Variants in TFEC observed in about 807,000 individuals in gnomAD.
TFEC encodes transcription factor EC, also known as class E basic helix-loop-helix protein 34.
A neutral mutation model predicts 41.6 loss-of-function variants in TFEC; 31 were observed. The ratio of observed to expected loss-of-function variants is 0.74; its 90% CI spans 0.56 to 1.01. TFEC has a LOEUF of 1.01. Ranked by LOEUF, TFEC falls within the 50% of genes least tolerant of loss-of-function variation. TFEC has a pLI of 0.00. For synonymous variants in TFEC, 143 were observed against 140.6 expected (o/e 1.02, Z -0.12); for missense variants, 402 against 404.1 (o/e 0.99, Z 0.04).
At chr7:116,043,694 CAT>C (rs1488041416) in intron 3 of TFEC, among the ~76,000 whole-genome samples, 1 of 152,108 alleles carries the variant, frequency 6.6e-6, no homozygotes. Flanking sequence ...GGAAAAGAAA[CAT>C]ATGAAAATAC....
At chr7:116,159,153 T>C (rs73220468) in intron 1 of TFEC, among the ~76,000 whole-genome samples, 476 of 152,028 alleles carry the variant, frequency 3.1e-3, no homozygotes, top group Non-Finnish European at 4.8e-3. Context: ...CAAGAAATAA[T>C]AAGTCACAAG....
intron 3 of TFEC, among the ~76,000 whole-genome samples, chr7:116,069,808 T>C (rs1562958576): frequency 6.6e-6 from 1 of 151,608 alleles, no homozygotes; most frequent in South Asian, 2.1e-4. Context: ...AATTCATCTT[T>C]CTACTGATTA....
At chr7:116,049,012 A>G (rs751472082) in intron 3 of TFEC, among the ~76,000 whole-genome samples, 1 of 152,252 alleles carries the variant, frequency 6.6e-6, no homozygotes, top group African/African-American at 2.4e-5. Flanking sequence ...AGCCAGTACC[A>G]GCCACTGCAA....
chr7:116,021,724 T>C (rs1428496354), intron 1 of TFEC, among the ~76,000 whole-genome samples: 1 of 152,188 alleles, frequency 6.6e-6, no homozygotes, highest in Non-Finnish European at 1.5e-5. Context: ...AAGCAGTCAG[T>C]GGGCCAAAAT....
intron 3 of TFEC, among the ~76,000 whole-genome samples, chr7:116,048,847 A>C (rs868532042): frequency 9.2e-5 from 14 of 152,354 alleles, no homozygotes; most frequent in Middle Eastern, 3.4e-3. Flanking sequence ...AAAGAAAAGA[A>C]TTTTCAACCA....
chr7:116,159,688 T>C (rs1162743359), intron 1 of TFEC: 2 of 152,300 alleles, frequency 1.3e-5, no homozygotes, highest in South Asian at 4.1e-4. Flanking sequence ...ATCTTAAACA[T>C]TTAAACTAAG....
intron 1 of TFEC, among the ~76,000 whole-genome samples, chr7:116,016,261 T>C (rs2130834836): frequency 6.6e-6 from 1 of 152,252 alleles, no homozygotes; most frequent in African/African-American, 2.4e-5. Context: ...GTTCAGGGAC[T>C]TGGCAAGAAC....
intron 7 of TFEC, 31 bp from the exon 8 acceptor site, chr7:115,940,962 T>A: frequency 6.5e-7 from 1 of 1,533,178 alleles, no homozygotes; most frequent in Non-Finnish European, 8.8e-7. Context: ...CATTAAATAA[T>A]GTCTTTGAAA....
At chr7:116,054,533 A>G (rs1054178921) in intron 3 of TFEC, among the ~76,000 whole-genome samples, 82 of 152,152 alleles carry the variant, frequency 5.4e-4, no homozygotes, top group African/African-American at 1.9e-3. Context: ...CCAGGGACTA[A>G]AATGGTCAAC....
At chr7:115,977,520 G>A (rs1793438092) in intron 2 of TFEC, among the ~76,000 whole-genome samples, 1 of 151,994 alleles carries the variant, frequency 6.6e-6, no homozygotes, top group Admixed American at 6.6e-5. Context: ...TTTTAAGTAT[G>A]TGGATGAAAT....
intron 3 of TFEC, among the ~76,000 whole-genome samples, chr7:116,038,191 A>T (rs1415780794): frequency 6.6e-6 from 1 of 152,064 alleles, no homozygotes; most frequent in East Asian, 1.9e-4. Flanking sequence ...AAGGACTAAA[A>T]TTTCTCTAGA....
At chr7:115,989,297 TA>T (rs1793998231) in intron 1 of TFEC, among the ~76,000 whole-genome samples, 1 of 152,152 alleles carries the variant, frequency 6.6e-6, no homozygotes, top group Admixed American at 6.5e-5. Flanking sequence ...GATGGCCAAA[TA>T]GGAGCAGCTC....
chr7:115,985,772 A>G (rs1471460163), intron 1 of TFEC, among the ~76,000 whole-genome samples: 1 of 152,150 alleles, frequency 6.6e-6, no homozygotes, highest in Non-Finnish European at 1.5e-5. Flanking sequence ...TTATATTGCT[A>G]TGAGCTTTAA....
At chr7:115,948,330 C>T (rs1467231306) in intron 6 of TFEC, among the ~76,000 whole-genome samples, 4 of 151,878 alleles carry the variant, frequency 2.6e-5, no homozygotes, top group African/African-American at 9.7e-5. Context: ...AAGAGGGAAT[C>T]CTCCCTAACT....
At position 115,937,231 on chromosome 7, in the gene TFEC, A is replaced by G. The variant is rs1449542476; in HGVS notation, c.*3320T>C. The stretch of plus-strand genomic sequence containing the variant: ...AGTTTTATTATAATTGTAATTATGA[A>G]TTAAATCTTTAAATGAAAAGGGATA... On this transcript the variant is annotated 3_prime_UTR_variant, in exon 8 of 8. Transcript: ENST00000265440. The G allele has an allele frequency of 6.6e-6, 1 of 151,730 alleles. No individual in the cohort carries two copies. The highest frequency in any genetic ancestry group is 6.6e-5 in the Admixed American group (1 of 15,204). 9.4% of individuals were successfully genotyped at this position (151,730 alleles called of 1,614,324 possible).
At chr7:115,992,530 C>A (rs1004988358) in intron 1 of TFEC, among the ~76,000 whole-genome samples, 5 of 152,102 alleles carry the variant, frequency 3.3e-5, no homozygotes, top group African/African-American at 4.8e-5. Flanking sequence ...GGGGTGGCAC[C>A]ACTGATCCCA....
In TFEC at chr7:115,940,533, A is replaced by C; in HGVS notation, c.*18T>G. ...CATAGAATTGCTTTCCAGTTGATGA[A>C]TTGGGTCTGTTTATTTCTTATAATT... is the stretch of plus-strand genomic sequence containing the variant. On this transcript the variant is annotated 3_prime_UTR_variant, in exon 8 of 8. Coordinates refer to ENST00000265440, the MANE Select transcript of TFEC (RefSeq NM_012252.4). The C allele has an allele frequency of 1.9e-6, 3 of 1,585,506 alleles. No individual in the cohort carries two copies. The highest frequency in any genetic ancestry group is 2.6e-6 in the Non-Finnish European group (3 of 1,163,638).
intron 5 of TFEC, among the ~76,000 whole-genome samples, chr7:115,954,220 T>C (rs1330987552): frequency 1.3e-5 from 2 of 152,102 alleles, no homozygotes; most frequent in African/African-American, 4.8e-5. Flanking sequence ...AATGAGAACC[T>C]GGAGTTATGT....
chr7:115,988,744 G>C (rs1180740984), intron 1 of TFEC, among the ~76,000 whole-genome samples: 1 of 151,498 alleles, frequency 6.6e-6, no homozygotes, highest in Admixed American at 6.6e-5. Context: ...ACACCAAGCA[G>C]AACAAATGCC....
Sources: gnomAD v4.1 joint callset for allele counts (sites outside exome capture counted in the v4.1 genomes callset) on GRCh38, gnomAD v4.1.1 for gene constraint, MANE v1.5 for transcripts, NCBI Gene and HGNC (gene_info 2026-07-23, HGNC 2026-07-21) for gene names.